The following PHEX variants were observed in gnomAD, a reference collection of about 807,000 sequenced individuals.
PHEX encodes the protein phosphate-regulating neutral endopeptidase PHEX.
A neutral mutation model predicts 68.0 loss-of-function variants in PHEX; 16 were observed. The observed-to-expected ratio is 0.24, with a 90% CI of 0.16 to 0.36. The LOEUF (loss-of-function observed/expected upper bound fraction) is 0.36, where lower values mean the gene tolerates loss of function less well. Ranked by LOEUF, PHEX falls within the 10% of genes least tolerant of loss-of-function variation. PHEX has a pLI of 1.00. For synonymous variants in PHEX, 208 were observed against 205.1 expected (o/e 1.01, Z -0.12); for missense variants, 480 against 575.5 (o/e 0.83, Z 1.70).
chrX:22,092,004 C>T (rs1267799152), intron 6 of PHEX, among the ~76,000 whole-genome samples: 1 of 111,617 alleles, frequency 9.0e-6, no homozygotes, highest in Non-Finnish European at 1.9e-5. Flanking sequence ...CCACCTGGCC[C>T]TACCCTTGAC....
chrX:22,160,589 T>C (rs764932249), intron 12 of PHEX, among the ~76,000 whole-genome samples: 18 of 106,098 alleles, frequency 1.7e-4, no homozygotes, highest in South Asian at 4.2e-4. Context: ...AAAGCAAGCA[T>C]GTGCAGAGGA....
rs1936489614 is a variant in PHEX, at chrX:22,249,409, G to A, written c.*1456G>A. On this transcript the variant is annotated 3_prime_UTR_variant, in exon 22 of 22. Transcript: ENST00000379374. ...GACAAATTCAGATTAACCACAGGAA[G>A]CCATTGTGTGTCCCTGTGATTTGTG... 1 of 88,641 alleles carries A rather than the reference G, an allele frequency of 1.1e-5. No individual in the cohort carries two copies. The allele number at this position is 88,641 out of a possible 1,213,427, so 7.3% of individuals were successfully genotyped here.
intron 14 of PHEX, among the ~76,000 whole-genome samples, chrX:22,179,459 G>A (rs1317716271): frequency 9.1e-6 from 1 of 110,000 alleles, no homozygotes; most frequent in African/African-American, 3.3e-5. Flanking sequence ...TCAGTGTGTA[G>A]TCTTTTATTC....
chrX:22,162,879 T>A (rs1053107870), intron 12 of PHEX: 6 of 111,644 alleles, frequency 5.4e-5, no homozygotes, highest in African/African-American at 2.0e-4. Flanking sequence ...TGTTGCCTTG[T>A]GATTACTAGA....
At chrX:22,187,801 T>G (rs776304621) in intron 14 of PHEX, among the ~76,000 whole-genome samples, 1 of 111,903 alleles carries the variant, frequency 8.9e-6, no homozygotes, top group Admixed American at 9.5e-5. Flanking sequence ...TGGAAATATG[T>G]CTAGGTTTCG....
At chrX:22,146,136 C>T (rs1324023317) in intron 12 of PHEX, among the ~76,000 whole-genome samples, 1 of 112,197 alleles carries the variant, frequency 8.9e-6, no homozygotes, top group Non-Finnish European at 1.9e-5. Context: ...TAATGTTTAA[C>T]CTCTATTTAA....
rs186062820 is a variant in PHEX at position 22,182,135 on chromosome X, A to T, written c.1586+3759A>T. On this transcript the variant is annotated intron_variant, in intron 14 of 21. Transcript: ENST00000379374. ...TTGAATAATAGTGGTAAAAGTGGAC[A>T]TCCTTGTCTTGTCTAGATCTTAGAG... Among the ~76,000 whole-genome samples the T allele has an allele frequency of 2.7e-5, 3 of 111,686 alleles. No homozygotes were observed. In the East Asian group the frequency reaches 8.4e-4, roughly 31 times the overall value.
intron 3 of PHEX, among the ~76,000 whole-genome samples, chrX:22,057,008 T>A (rs1602259299): frequency 9.0e-6 from 1 of 110,858 alleles, no homozygotes; most frequent in South Asian, 3.8e-4. Flanking sequence ...TACTTCATTT[T>A]AAAAAATGAA....
intron 3 of PHEX, among the ~76,000 whole-genome samples, chrX:22,063,549 T>C (rs1928466407): frequency 9.0e-6 from 1 of 111,692 alleles, no homozygotes; most frequent in African/African-American, 3.3e-5. Flanking sequence ...AAGGAGGCAA[T>C]TGTGTTTCGC....
At chrX:22,088,464 C>G (rs1929714948) in intron 5 of PHEX, among the ~76,000 whole-genome samples, 1 of 111,358 alleles carries the variant, frequency 9.0e-6, no homozygotes. Context: ...TCCACGTCCC[C>G]ACCAGCAGTT....
chrX:22,097,916 G>A (rs914721501), intron 8 of PHEX: 1 of 174,516 alleles, frequency 5.7e-6, no homozygotes, highest in Non-Finnish European at 1.1e-5. Flanking sequence ...TACAGGTGCC[G>A]GCCACCACAC....
intron 12 of PHEX, among the ~76,000 whole-genome samples, chrX:22,142,976 C>A (rs1932531941): frequency 8.9e-6 from 1 of 112,597 alleles, no homozygotes. Context: ...AAACAGCCAG[C>A]TGTTCAGGCA....
In PHEX at chrX:22,245,324, C is replaced by T. The variant is rs1048800870; in HGVS notation, c.2071-9C>T. 7.5e-6 allele frequency: 9 copies of T among 1,192,968 alleles called. No individual in the cohort carries two copies. The highest frequency in any genetic ancestry group is 1.0e-5 in the Non-Finnish European group (9 of 879,601). On this transcript the variant is annotated splice_polypyrimidine_tract_variant and intron_variant, in intron 20 of 21. Coordinates refer to ENST00000379374, the MANE Select transcript of PHEX (RefSeq NM_000444.6). ...AAAGCTCATTTGTTGGGATGCTTTTCTCTTCTAGGTGAGGTGCAATTCCTA... is the reference window on the plus strand; with the variant it reads ...AAAGCTCATTTGTTGGGATGCTTTTTTCTTCTAGGTGAGGTGCAATTCCTA...
rs200996726 is a variant in PHEX, at chrX:22,245,430, C to T, written c.2147+21C>T. ...TTTAGGTAAATGGGCAAATGGGTGA[C>T]GGCAGTTTTTAACTGTACATCTCCC... On this transcript the variant is annotated intron_variant, in intron 21 of 21. Transcript: ENST00000379374. The T allele has an allele frequency of 1.1e-4, 119 of 1,098,014 alleles. No homozygotes were observed. In the African/African-American group the frequency reaches 1.3e-3, roughly 12 times the overall value. 90.5% of individuals were successfully genotyped at this position (1,098,014 alleles called of 1,213,427 possible). A position where few individuals can be genotyped will look rare whatever the true frequency, so the allele number is the denominator to read the frequency against.
rs1431860826 is a variant in PHEX, at chrX:22,047,090, T to G, written c.228T>G (p.Pro76=). The G allele has an allele frequency of 8.3e-7, 1 of 1,208,971 alleles. No homozygotes were observed. Residue 76 remains proline, a synonymous_variant, in exon 3 of 22, where the codon CCT becomes CCG. Coordinates refer to ENST00000379374, the MANE Select transcript of PHEX (RefSeq NM_000444.6). ...ILSKVNLSVD[P]CDNFFRFACD... ...GTAAAGTAAATCTGTCTGTGGATCCTTGTGATAATTTCTTCCGGTTCGCTT... is the reference window on the plus strand; with the variant it reads ...GTAAAGTAAATCTGTCTGTGGATCCGTGTGATAATTTCTTCCGGTTCGCTT...
intron 12 of PHEX, among the ~76,000 whole-genome samples, chrX:22,154,387 A>T (rs1406502126): frequency 9.0e-6 from 1 of 111,140 alleles, no homozygotes; most frequent in Non-Finnish European, 1.9e-5. Flanking sequence ...AAGTACCATG[A>T]TCTACAGCAG....
intron 3 of PHEX, among the ~76,000 whole-genome samples, chrX:22,059,930 T>A (rs59392236): frequency 0.084 from 9,388 of 111,404 alleles, 554 homozygotes; most frequent in African/African-American, 0.21. Flanking sequence ...TGTCTATGCC[T>A]TGGAACCTGT....
At chrX:22,094,716 A>G (rs755280291) in intron 7 of PHEX, among the ~76,000 whole-genome samples, 2 of 112,270 alleles carry the variant, frequency 1.8e-5, no homozygotes, top group East Asian at 2.8e-4. Context: ...TGTGTCATAT[A>G]CATGACACAG....
In PHEX at chrX:22,143,113, C is replaced by A. The variant is rs778611271; in HGVS notation, c.1404+9489C>A. Among the ~76,000 whole-genome samples, 4 of 112,047 alleles carry A rather than the reference C, an allele frequency of 3.6e-5. 1 individual carries two copies. In the South Asian group the frequency reaches 1.5e-3, roughly 42 times the overall value. On this transcript the variant is annotated intron_variant, in intron 12 of 21. Transcript: ENST00000379374. ...TTATTCCCCTCCCTTAGCTTCTCAT[C>A]CTTAAACATTTTTTTTAATTGAGGT...
Sources: allele counts gnomAD v4.1 joint callset (sites outside exome capture counted in the v4.1 genomes callset), GRCh38; gene constraint gnomAD v4.1.1; transcripts MANE v1.5; gene names NCBI Gene and HGNC (gene_info 2026-07-23, HGNC 2026-07-21).